Variants in PREX1 observed in about 807,000 individuals in gnomAD.
The protein encoded by PREX1 is phosphatidylinositol 3,4,5-trisphosphate-dependent Rac exchanger 1 protein.
Under a neutral mutation model 198.3 loss-of-function variants are expected in PREX1, and 41 were observed. That is an observed-to-expected ratio of 0.21 (90% CI 0.16 to 0.27). The LOEUF (loss-of-function observed/expected upper bound fraction) is 0.27. PREX1 is among the 10% of genes least tolerant of loss of function. The pLI, the probability that PREX1 is intolerant of heterozygous loss-of-function variation, is 1.00. For synonymous variants in PREX1, 843 were observed against 887.2 expected, an observed-to-expected ratio of 0.95 and a Z score of 0.89; for missense variants, 1,620 against 2,200.7, an observed-to-expected ratio of 0.74 and a Z score of 5.28.
intron 5 of PREX1, among the ~76,000 whole-genome samples, chr20:48,721,589 G>A (rs888729282): frequency 1.3e-5 from 2 of 152,244 alleles, no homozygotes; most frequent in Non-Finnish European, 2.9e-5. Context: ...GAGGAACATG[G>A]GTGAGATCGG....
chr20:48,667,687 C>T (rs188038456), intron 14 of PREX1, among the ~76,000 whole-genome samples: 40 of 152,314 alleles, frequency 2.6e-4, no homozygotes, highest in Admixed American at 2.3e-3. Flanking sequence ...CAGGACTTCC[C>T]GAAGGAAGTG....
chr20:48,881,033 T>C, the PREX1 span, among the ~76,000 whole-genome samples: 1 of 126,808 alleles, frequency 7.9e-6, no homozygotes, highest in South Asian at 2.6e-4. Context: ...ATACAGAGAT[T>C]AAAAAGCAAC....
Position 48,629,630 on chromosome 20 carries a change from G to T in PREX1, c.4594-9C>A, listed in dbSNP as rs561745489. On this transcript the variant is annotated splice_polypyrimidine_tract_variant and intron_variant, in intron 36 of 39. Coordinates refer to ENST00000371941, the MANE Select transcript of PREX1 (RefSeq NM_020820.4). Reference sequence around the variant, plus strand: ...TTGATGGGGCGGATCAGCTGTAGGGGGTACCACACATAACCGGGGAGTTGG... The same window carrying T: ...TTGATGGGGCGGATCAGCTGTAGGGTGTACCACACATAACCGGGGAGTTGG... 1.2e-6 allele frequency: 2 copies of T among 1,613,128 alleles called. No homozygotes were observed. The highest frequency in any genetic ancestry group is 1.7e-6 in the Non-Finnish European group (2 of 1,179,300).
Position 48,627,869 on chromosome 20 carries a change from G to T in PREX1, c.4861C>A (p.Arg1621=), listed in dbSNP as rs779570199. Residue 1621 remains arginine, a synonymous_variant, in exon 38 of 40, where the codon CGG becomes AGG. Transcript: ENST00000371941. ...TGGCCAAGCGGCCTCACCTGCTTCC[G>T]CATGATGTCCGTGGCCTGCATGATG... ...KCIMQATDIM[R]KQGPRVEILA... is the part of the protein sequence containing the mutation. The T allele has an allele frequency of 6.2e-7, 1 of 1,612,758 alleles. No homozygotes were observed. Among genetic ancestry groups the T allele is most frequent in the Non-Finnish European group, 8.5e-7 (1 of 1,179,802 alleles).
chr20:48,703,426 C>T (rs563454919), intron 6 of PREX1, among the ~76,000 whole-genome samples: 2 of 152,290 alleles, frequency 1.3e-5, no homozygotes, highest in African/African-American at 4.8e-5. Flanking sequence ...AGCAGCCTGC[C>T]GCACCAAGAC....
chr20:48,807,490 G>A (rs549219908), intron 1 of PREX1, among the ~76,000 whole-genome samples: 3 of 152,216 alleles, frequency 2.0e-5, no homozygotes, highest in South Asian at 4.2e-4. Context: ...CTCTGCTAAC[G>A]GCCACTCACA....
At chr20:48,879,504 C>G in the PREX1 span, among the ~76,000 whole-genome samples, 2 of 152,202 alleles carry the variant, frequency 1.3e-5, no homozygotes, top group Non-Finnish European at 2.9e-5. Flanking sequence ...CTAGCTCATT[C>G]TACTATCTAG....
the PREX1 span, among the ~76,000 whole-genome samples, chr20:48,862,380 C>T: frequency 1.7e-4 from 26 of 152,264 alleles, no homozygotes; most frequent in African/African-American, 6.0e-4. Context: ...TGAGCATTTA[C>T]TGTGTGCCAT....
At chr20:48,671,299 G>C (rs940554759) in intron 14 of PREX1, among the ~76,000 whole-genome samples, 2 of 152,224 alleles carry the variant, frequency 1.3e-5, no homozygotes, top group Non-Finnish European at 2.9e-5. Context: ...TTTGGCCATA[G>C]TTCTGTGCAG....
intron 27 of PREX1, 137 bp from the exon 28 acceptor site, chr20:48,642,626 G>T: frequency 1.3e-6 from 1 of 745,128 alleles, no homozygotes; most frequent in Non-Finnish European, 2.1e-6. Context: ...CCAGGTCCTG[G>T]CTGTGAGCCA....
intron 1 of PREX1, among the ~76,000 whole-genome samples, chr20:48,780,540 T>C (rs1188178931): frequency 2.0e-5 from 3 of 150,836 alleles, no homozygotes; most frequent in Non-Finnish European, 4.4e-5. Flanking sequence ...GGGCACGGGG[T>C]CAACCAGAAA....
intron 13 of PREX1, 38 bp from the exon 14 acceptor site, chr20:48,676,306 C>T (rs781384163): frequency 1.8e-5 from 28 of 1,591,994 alleles, no homozygotes; most frequent in African/African-American, 4.0e-5. Flanking sequence ...CAGGGCAGGG[C>T]GGGGAGGACA....
chr20:48,862,634 T>A, the PREX1 span, among the ~76,000 whole-genome samples: 1 of 151,606 alleles, frequency 6.6e-6, no homozygotes, highest in Admixed American at 6.6e-5. Flanking sequence ...GTCTAAACAG[T>A]TTGTTACTCC....
chr20:48,644,844 C>T (rs1416846194), intron 26 of PREX1, among the ~76,000 whole-genome samples: 3 of 152,232 alleles, frequency 2.0e-5, no homozygotes, highest in East Asian at 1.9e-4. Context: ...CTCTGTCTTC[C>T]GTCTCCTCAG....
At chr20:48,810,177 C>T (rs1253360445) in intron 1 of PREX1, among the ~76,000 whole-genome samples, 1 of 152,192 alleles carries the variant, frequency 6.6e-6, no homozygotes, top group Non-Finnish European at 1.5e-5. Flanking sequence ...GAGAAACCTG[C>T]TACCTTCCAC....
chr20:48,641,834 GAGAGAGAGGAAGGAAGGAAGGAAGGA>G (rs2089412778), intron 29 of PREX1, among the ~76,000 whole-genome samples: 2 of 128,506 alleles, frequency 1.6e-5, no homozygotes, highest in South Asian at 5.4e-4. Flanking sequence ...AAGAGAGAGA[GAGAGAGAGGAAGGAAGGAAGGAAGGA>G]AGGAAGGAAG....
intron 1 of PREX1, among the ~76,000 whole-genome samples, chr20:48,758,676 G>A (rs184270921): frequency 2.4e-4 from 36 of 152,352 alleles, no homozygotes; most frequent in African/African-American, 7.9e-4. Context: ...CCGGTCAGAC[G>A]TGGAGGCAGG....
rs1054307229 is a variant in PREX1 at position 48,781,502 on chromosome 20, C to T, written c.220-33622G>A. 2.6e-5 allele frequency among the ~76,000 whole-genome samples: 4 copies of T among 152,292 alleles called. No individual in the cohort carries two copies. The South Asian group carries it at 6.2e-4, about 24-fold the overall frequency. ...TGACTCATGGGCCACAATGGTGCAG[C>T]CCCTGGCCTACAGCTGACACCCCAC... On this transcript the variant is annotated intron_variant, in intron 1 of 39. Coordinates refer to ENST00000371941, the MANE Select transcript of PREX1 (RefSeq NM_020820.4).
the PREX1 span, among the ~76,000 whole-genome samples, chr20:48,885,576 C>T: frequency 2.6e-5 from 4 of 152,150 alleles, no homozygotes; most frequent in African/African-American, 7.2e-5. Flanking sequence ...GAATTGAAAA[C>T]GTATTTCCAC....
Sources: gnomAD v4.1 joint callset for allele counts (sites outside exome capture counted in the v4.1 genomes callset) on GRCh38, gnomAD v4.1.1 for gene constraint, MANE v1.5 for transcripts, NCBI Gene and HGNC (gene_info 2026-07-23, HGNC 2026-07-21) for gene names.